TRAK1: variants seen among roughly 807,000 people sequenced by gnomAD.
TRAK1 encodes trafficking kinesin-binding protein 1.
Under a neutral mutation model 92.1 loss-of-function variants are expected in TRAK1, and 33 were observed. The observed-to-expected ratio is 0.36, with a 90% CI of 0.27 to 0.48. TRAK1 has a LOEUF of 0.48. Ranked by LOEUF, TRAK1 falls within the 20% of genes least tolerant of loss-of-function variation. TRAK1 has a pLI of 0.99. For synonymous variants in TRAK1, 521 were observed against 517.3 expected (o/e 1.01, Z -0.10); for missense variants, 1,123 against 1,257.9 (o/e 0.89, Z 1.62).
At chr3:42,173,353 A>G (rs1702798562) in intron 2 of TRAK1, among the ~76,000 whole-genome samples, 1 of 152,266 alleles carries the variant, frequency 6.6e-6, no homozygotes, top group Non-Finnish European at 1.5e-5. Context: ...GGAAGTTGGT[A>G]TTTGAAAAGC....
upstream of TRAK1, among the ~76,000 whole-genome samples, chr3:42,013,520 G>C (rs1175189779): frequency 6.6e-6 from 1 of 151,364 alleles, no homozygotes; most frequent in Non-Finnish European, 1.5e-5. This position sits in a 1 kb window ranked among gnomAD's most constrained non-coding sequence, Gnocchi z 5.1. Context: ...GGACGTGGCC[G>C]GCGGGCATCC....
At chr3:42,041,785 G>GTTTTTTTTTTTTTT (rs530723218) in intron 1 of TRAK1, among the ~76,000 whole-genome samples, 1 of 133,826 alleles carries the variant, frequency 7.5e-6, no homozygotes, top group Non-Finnish European at 1.5e-5. Flanking sequence ...TATTTCTATT[G>GTTTTTTTTTTTTTT]TTTTTTTTTT....
intron 4 of TRAK1, among the ~76,000 whole-genome samples, chr3:42,185,517 C>G (rs950864407): frequency 6.6e-6 from 1 of 152,004 alleles, no homozygotes; most frequent in Admixed American, 6.6e-5. Flanking sequence ...CAGAGGAGAG[C>G]GGCTGTGGAG....
chr3:42,131,198 G>A (rs1697153435), intron 2 of TRAK1, among the ~76,000 whole-genome samples: 1 of 152,062 alleles, frequency 6.6e-6, no homozygotes, highest in Non-Finnish European at 1.5e-5. Context: ...GTACCTGGAG[G>A]CTCCTGTCTC....
chr3:42,092,678 A>ATTTTGTTTTG lies in TRAK1; in HGVS notation c.91+1125_91+1126insTTGTTTTGTT, dbSNP rs761602413. On this transcript the variant is annotated intron_variant, in intron 1 of 15. Coordinates refer to ENST00000327628, the MANE Select transcript of TRAK1 (RefSeq NM_001042646.3). ...CCATGGCTTAGAATTTGTTCCTTTT[A>ATTTTGTTTTG]TTTTGTTGTGTTGTGTTGTGTTGTG... Among the ~76,000 whole-genome samples, 11 of 102,268 alleles carry ATTTTGTTTTG rather than the reference A, an allele frequency of 1.1e-4. 1 individual carries two copies. The highest frequency in any genetic ancestry group is 1.5e-4 in the Non-Finnish European group (6 of 41,322). The allele number at this position is 102,268 out of a possible 152,430, so 67.1% of individuals were successfully genotyped here.
At chr3:42,168,969 A>C (rs1005835987) in intron 2 of TRAK1, among the ~76,000 whole-genome samples, 4 of 152,102 alleles carry the variant, frequency 2.6e-5, no homozygotes, top group East Asian at 3.9e-4. Context: ...GATTAAAGGC[A>C]TGTGCCACCA....
chr3:42,069,349 G>C (rs1437191743), intron 1 of TRAK1, among the ~76,000 whole-genome samples: 2 of 139,766 alleles, frequency 1.4e-5, no homozygotes, highest in Non-Finnish European at 3.1e-5. Context: ...GAAAAGTTAT[G>C]GGTGGGTCGG....
At chr3:42,013,536 G>T (rs993813609), upstream of TRAK1, among the ~76,000 whole-genome samples, 5 of 151,242 alleles carry the variant, frequency 3.3e-5, no homozygotes, top group African/African-American at 1.2e-4. The surrounding 1 kb of genome is among the most constrained non-coding windows in gnomAD (Gnocchi z 5.1). Context: ...CATCCTGGAG[G>T]GCGGCCCGCA....
At chr3:42,074,302 C>G (rs1371626719) in intron 1 of TRAK1, among the ~76,000 whole-genome samples, 2 of 152,196 alleles carry the variant, frequency 1.3e-5, no homozygotes, top group Non-Finnish European at 2.9e-5. Flanking sequence ...AGACCACTGG[C>G]CTGTTTTACA....
intron 2 of TRAK1, among the ~76,000 whole-genome samples, chr3:42,154,920 A>G (rs1700374145): frequency 6.6e-6 from 1 of 152,044 alleles, no homozygotes; most frequent in Non-Finnish European, 1.5e-5. Flanking sequence ...CCAGACCTTG[A>G]AAGATAGGAG....
chr3:42,075,822 CATTTTTAAA>C (rs1000435965), intron 1 of TRAK1, among the ~76,000 whole-genome samples: 7 of 152,022 alleles, frequency 4.6e-5, no homozygotes, highest in Admixed American at 4.6e-4. Context: ...GGCCTTTGCC[CATTTTTAAA>C]ATTTTTAAAA....
At chr3:42,018,472 T>A (rs918152628) in intron 1 of TRAK1, among the ~76,000 whole-genome samples, 3 of 152,176 alleles carry the variant, frequency 2.0e-5, no homozygotes, top group African/African-American at 7.2e-5. Context: ...GTGGATTTTG[T>A]ACTAACATCC....
chr3:42,193,969 T>G (rs555272554), intron 9 of TRAK1, 71 bp downstream of exon 9: 2 of 1,359,660 alleles, frequency 1.5e-6, no homozygotes, highest in South Asian at 2.5e-5. Context: ...CCCGGACAGC[T>G]TTAGTCACGT....
intron 2 of TRAK1, among the ~76,000 whole-genome samples, chr3:42,162,721 T>G (rs1197293667): frequency 2.0e-5 from 3 of 152,180 alleles, no homozygotes; most frequent in Non-Finnish European, 4.4e-5. Context: ...CTACATCTGA[T>G]AAACAGGTTT....
At chr3:42,219,675 G>A in intron 15 of TRAK1, 79 bp downstream of exon 15, 2 of 1,526,282 alleles carry the variant, frequency 1.3e-6, no homozygotes, top group Non-Finnish European at 1.8e-6. Flanking sequence ...TTAATGTTGA[G>A]GAAAGCCAAG....
At chr3:42,078,131 G>A (rs951390530) in intron 1 of TRAK1, among the ~76,000 whole-genome samples, 22 of 152,302 alleles carry the variant, frequency 1.4e-4, no homozygotes, top group African/African-American at 5.1e-4. Flanking sequence ...ACCTTCTGGG[G>A]CAAAGGGTCT....
chr3:42,121,736 C>T (rs980217503), intron 1 of TRAK1, among the ~76,000 whole-genome samples: 1 of 152,182 alleles, frequency 6.6e-6, no homozygotes, highest in South Asian at 2.1e-4. Context: ...ATCCCATGTC[C>T]TAATTCTTTG....
chr3:42,221,018 G>T (rs1187415054), intron 15 of TRAK1, among the ~76,000 whole-genome samples: 1 of 150,480 alleles, frequency 6.6e-6, no homozygotes, highest in Non-Finnish European at 1.5e-5. Context: ...AGGTTTTCAT[G>T]TGGCTGTGTC....
chr3:42,028,042 G>A (rs182536472), intron 1 of TRAK1, among the ~76,000 whole-genome samples: 2 of 152,182 alleles, frequency 1.3e-5, no homozygotes, highest in Non-Finnish European at 1.5e-5. Flanking sequence ...GTAGAGACGG[G>A]GTTTCATCAT....
Sources: gnomAD v4.1 joint callset for allele counts (sites outside exome capture counted in the v4.1 genomes callset) on GRCh38, gnomAD v4.1.1 for gene constraint, Gnocchi (gnomAD v3.1) non-coding constraint, MANE v1.5 for transcripts, NCBI Gene and HGNC (gene_info 2026-07-23, HGNC 2026-07-21) for gene names.